RBFOX1: variants seen among roughly 807,000 people sequenced by gnomAD.
RBFOX1 encodes the protein RNA binding fox-1 homolog 1.
In RBFOX1, 8 loss-of-function variants were observed where a neutral mutation model predicts 57.7. The ratio of observed to expected loss-of-function variants is 0.14; its 90% CI spans 0.08 to 0.25. The LOEUF (loss-of-function observed/expected upper bound fraction) is 0.25, where lower values mean the gene tolerates loss of function less well. Ranked by LOEUF, RBFOX1 falls within the 10% of genes least tolerant of loss-of-function variation. RBFOX1 has a pLI of 1.00. For synonymous variants in RBFOX1, 326 were observed against 222.4 expected (o/e 1.47, Z -4.15); for missense variants, 611 against 548.5 (o/e 1.11, Z -1.14).
At chr16:6,965,473 A>G (rs2153558015) in intron 3 of RBFOX1, among the ~76,000 whole-genome samples, 1 of 152,068 alleles carries the variant, frequency 6.6e-6, no homozygotes, top group Non-Finnish European at 1.5e-5. Flanking sequence ...AGTAGCTGGG[A>G]TTACAGGCGT....
intron 3 of RBFOX1, among the ~76,000 whole-genome samples, chr16:5,711,133 G>C (rs1458853456): frequency 6.6e-6 from 1 of 152,294 alleles, no homozygotes; most frequent in South Asian, 2.1e-4. Flanking sequence ...ATTCTCTGCA[G>C]GCATGGGACA....
intron 3 of RBFOX1, among the ~76,000 whole-genome samples, chr16:5,614,513 G>A (rs2047947018): frequency 6.6e-5 from 10 of 151,868 alleles, no homozygotes. Flanking sequence ...ATGCACTTTT[G>A]TCTATCAGGC....
chr16:7,678,456 A>G lies in RBFOX1; in HGVS notation c.995+1618A>G, dbSNP rs148368208. On this transcript the variant is annotated intron_variant, in intron 14 of 15. Coordinates refer to ENST00000550418, the MANE Select transcript of RBFOX1 (RefSeq NM_018723.4). The stretch of plus-strand genomic sequence containing the variant: ...TCAATTGTAATGTGGTTCAGCTGCA[A>G]CCCTTAATTATTTTTTATGAAAATA... Among the ~76,000 whole-genome samples the G allele has an allele frequency of 8.9e-3, 1,351 of 152,292 alleles. 22 individuals are homozygous for G. Among genetic ancestry groups the G allele is most frequent in the Middle Eastern group, 0.01 (3 of 294 alleles).
At chr16:6,593,211 G>C (rs1396438343) in intron 2 of RBFOX1, among the ~76,000 whole-genome samples, 2 of 152,030 alleles carry the variant, frequency 1.3e-5, no homozygotes, top group African/African-American at 4.8e-5. Context: ...AAATAAAAAA[G>C]AGAGTGGAGA....
At chr16:5,343,566 C>T (rs1462703704) in intron 1 of RBFOX1, among the ~76,000 whole-genome samples, 3 of 152,048 alleles carry the variant, frequency 2.0e-5, no homozygotes, top group African/African-American at 4.8e-5. Flanking sequence ...CGTGATCTAC[C>T]TGCCTTGGCC....
chr16:5,723,119 A>C (rs188138260), intron 3 of RBFOX1, among the ~76,000 whole-genome samples: 92 of 152,274 alleles, frequency 6.0e-4, no homozygotes, highest in African/African-American at 2.2e-3. Flanking sequence ...TTTACCTCAG[A>C]GTCATCCATG....
At chr16:6,136,126 A>G (rs1301199123) in intron 1 of RBFOX1, among the ~76,000 whole-genome samples, 1 of 152,012 alleles carries the variant, frequency 6.6e-6, no homozygotes, top group Non-Finnish European at 1.5e-5. Context: ...GACTTTAGGT[A>G]CTTTGTTAGA....
chr16:7,103,776 G>A (rs937076928), intron 4 of RBFOX1, among the ~76,000 whole-genome samples: 1 of 152,084 alleles, frequency 6.6e-6, no homozygotes, highest in Admixed American at 6.6e-5. Flanking sequence ...AAACCTCTAA[G>A]GTACCCAGCA....
chr16:6,335,361 C>G (rs761534562), intron 2 of RBFOX1, among the ~76,000 whole-genome samples: 1 of 152,068 alleles, frequency 6.6e-6, no homozygotes, highest in African/African-American at 2.4e-5. Context: ...TAAACAAATA[C>G]GTCCTCAGAG....
intron 1 of RBFOX1, among the ~76,000 whole-genome samples, chr16:5,388,387 C>T (rs749772314): frequency 2.2e-4 from 34 of 152,274 alleles, no homozygotes; most frequent in Middle Eastern, 3.4e-3. Context: ...CTAAATATGT[C>T]AGGCCTTGTG....
chr16:5,935,922 C>G (rs767706346), intron 4 of RBFOX1, among the ~76,000 whole-genome samples: 7 of 152,176 alleles, frequency 4.6e-5, no homozygotes, highest in Non-Finnish European at 7.3e-5. Context: ...AAGCAAAACT[C>G]TACCTCAACC....
At chr16:6,199,949 G>A (rs986481894) in intron 1 of RBFOX1, among the ~76,000 whole-genome samples, 15 of 152,132 alleles carry the variant, frequency 9.9e-5, no homozygotes, top group Non-Finnish European at 1.8e-4. Context: ...AACTACAGCT[G>A]GATGTTCACC....
At chr16:5,550,817 G>A (rs2045432626) in intron 2 of RBFOX1, among the ~76,000 whole-genome samples, 1 of 152,166 alleles carries the variant, frequency 6.6e-6, no homozygotes. Flanking sequence ...AAAAAGAATT[G>A]TCACCTTTAT....
intron 4 of RBFOX1, among the ~76,000 whole-genome samples, chr16:7,365,270 A>G (rs934377035): frequency 6.6e-5 from 10 of 152,224 alleles, no homozygotes; most frequent in Non-Finnish European, 1.3e-4. Context: ...GGTAATAAAT[A>G]TGTAAAGGAC....
At chr16:6,436,269 A>C (rs985145920) in intron 2 of RBFOX1, among the ~76,000 whole-genome samples, 4 of 152,196 alleles carry the variant, frequency 2.6e-5, no homozygotes, top group Non-Finnish European at 5.9e-5. Context: ...ATGGTAATGC[A>C]GTATCTTGAA....
intron 3 of RBFOX1, among the ~76,000 whole-genome samples, chr16:6,683,500 ATATATAAACAAAAC>A (rs1229386593): frequency 6.6e-6 from 1 of 152,236 alleles, no homozygotes; most frequent in Non-Finnish European, 1.5e-5. Context: ...ATCCAAAACT[ATATATAAACAAAAC>A]TATATATATA....
intron 3 of RBFOX1, among the ~76,000 whole-genome samples, chr16:6,797,366 G>A (rs1037696824): frequency 6.6e-5 from 10 of 152,128 alleles, no homozygotes; most frequent in African/African-American, 2.4e-4. Flanking sequence ...GCAGAGAGTG[G>A]AGATTATTAA....
intron 4 of RBFOX1, among the ~76,000 whole-genome samples, chr16:7,330,472 CTGTGTGTGTGTGTG>C (rs71391624): frequency 3.2e-5 from 3 of 94,426 alleles, no homozygotes; most frequent in South Asian, 4.0e-4. Flanking sequence ...ATGGAGAGCT[CTGTGTGTGTGTGTG>C]TGTGTGTGTG....
chr16:7,420,621 T>G (rs2098531510), intron 4 of RBFOX1, among the ~76,000 whole-genome samples: 1 of 152,038 alleles, frequency 6.6e-6, no homozygotes, highest in Admixed American at 6.6e-5. Context: ...TTTTTTTTCC[T>G]TCTGACTTAG....
Sources: gnomAD v4.1 joint callset for allele counts (sites outside exome capture counted in the v4.1 genomes callset) on GRCh38, gnomAD v4.1.1 for gene constraint, MANE v1.5 for transcripts, NCBI Gene and HGNC (gene_info 2026-07-23, HGNC 2026-07-21) for gene names.